Variants in ANTXRL observed in about 807,000 individuals in gnomAD.
The protein encoded by ANTXRL is anthrax toxin receptor-like.
In ANTXRL, 63 loss-of-function variants were observed where a neutral mutation model predicts 75.4. That is an observed-to-expected ratio of 0.84 (90% confidence interval 0.68 to 1.03). The LOEUF (loss-of-function observed/expected upper bound fraction) is 1.03. Among genes scored for constraint, ANTXRL ranks in the 50% least tolerant of loss-of-function variants. The pLI is 0.00. For synonymous variants in ANTXRL, 335 were observed against 291.3 expected (o/e 1.15, Z -1.53); for missense variants, 797 against 789.4 (o/e 1.01, Z -0.12).
intron 9 of ANTXRL, among the ~76,000 whole-genome samples, chr10:46,301,764 G>A (rs10906943): frequency 0.39 from 59,208 of 151,970 alleles, 11,290 homozygotes; most frequent in African/African-American, 0.52. Context: ...CGCCTTGAAG[G>A]TGTGACACTG....
intron 3 of ANTXRL, among the ~76,000 whole-genome samples, chr10:46,294,425 G>A (rs1322120604): frequency 1.3e-5 from 2 of 152,164 alleles, no homozygotes; most frequent in Non-Finnish European, 2.9e-5. Context: ...GAAAGTGGAG[G>A]GAGGCAGGAG....
At chr10:46,309,899 G>A (rs1419934600) in intron 13 of ANTXRL, among the ~76,000 whole-genome samples, 1 of 152,152 alleles carries the variant, frequency 6.6e-6, no homozygotes, top group East Asian at 1.9e-4. Flanking sequence ...TGGAGCCCGG[G>A]GCAGGGAAGA....
At position 46,307,395 on chromosome 10, in the gene ANTXRL, G is replaced by A. The variant is rs1554962173; in HGVS notation, c.966-7G>A. 1.3e-6 allele frequency: 2 copies of A among 1,533,984 alleles called. No individual in the cohort carries two copies. Among genetic ancestry groups the A allele is most frequent in the African/African-American group, 2.7e-5 (2 of 73,068 alleles). On this transcript the variant is annotated splice_region_variant and splice_polypyrimidine_tract_variant and intron_variant, in intron 11 of 16. Transcript: ENST00000620264. ...GGCTCTCACCATCTGCATTTTCTATGCTTTAGGGAGTACTCTATTGAAGTC... is the reference window on the plus strand; with the variant it reads ...GGCTCTCACCATCTGCATTTTCTATACTTTAGGGAGTACTCTATTGAAGTC...
At chr10:46,313,916 A>G (rs1413208628) in intron 16 of ANTXRL, among the ~76,000 whole-genome samples, 1 of 152,076 alleles carries the variant, frequency 6.6e-6, no homozygotes, top group Non-Finnish European at 1.5e-5. Flanking sequence ...TCCTGCCCTT[A>G]CTCTGCACTG....
chr10:46,297,730 C>T (rs1837468629), intron 7 of ANTXRL, 101 bp from the exon 8 acceptor site: 2 of 1,080,792 alleles, frequency 1.9e-6, no homozygotes, highest in Non-Finnish European at 2.7e-6. Context: ...TGACATTCTG[C>T]TGCCCCCAAA....
intron 16 of ANTXRL, among the ~76,000 whole-genome samples, chr10:46,321,829 G>A (rs1314865257): frequency 1.3e-5 from 2 of 152,058 alleles, no homozygotes; most frequent in Admixed American, 6.6e-5. Context: ...CAGTAGGAGC[G>A]TATCTGATTA....
intron 3 of ANTXRL, among the ~76,000 whole-genome samples, chr10:46,294,931 C>T (rs1287311740): frequency 1.3e-5 from 2 of 152,144 alleles, no homozygotes; most frequent in African/African-American, 4.8e-5. Flanking sequence ...CCTTGCTGTG[C>T]AGGCTCAGCC....
Position 46,329,714 on chromosome 10 carries a change from G to A in ANTXRL, c.1526G>A (p.Ser509Asn). The A allele has an allele frequency of 6.5e-7, 1 of 1,535,064 alleles. No homozygotes were observed. Among genetic ancestry groups the A allele is most frequent in the Non-Finnish European group, 8.7e-7 (1 of 1,146,700 alleles). Residue 509 changes from serine (S) to asparagine (N), a missense_variant, in exon 17 of 17, where the codon AGC becomes AAC. Physicochemically the swap from Ser to Asn is conservative, Grantham distance 46. Around this residue, in one of 3 missense-constraint regions of ANTXRL, gnomAD observed 479 missense variants for 422.0 expected, o/e 1.14. Transcript: ENST00000620264. ...CTTTCCCTACCACAGGCTCCCTGCA[G>A]CCCAAGGATGTGCCTGAGACACAGC... is the stretch of plus-strand genomic sequence containing the variant. ...ECLSLPQAPC[S>N]PRMCLRHSRE...
intron 15 of ANTXRL, 113 bp downstream of exon 15, chr10:46,311,778 G>C: frequency 1.7e-6 from 1 of 577,978 alleles, no homozygotes; most frequent in East Asian, 3.0e-5. Flanking sequence ...AGGCTCTACA[G>C]GGGCTGGACT....
At chr10:46,299,225 A>G (rs1323652601) in intron 9 of ANTXRL, among the ~76,000 whole-genome samples, 1 of 152,084 alleles carries the variant, frequency 6.6e-6, no homozygotes, top group Non-Finnish European at 1.5e-5. Context: ...AACAAGAAGT[A>G]GGGGTGTCAA....
Position 46,302,798 on chromosome 10 carries a change from C to T in ANTXRL, c.873C>T (p.Ile291=), listed in dbSNP as rs527477647. The T allele has an allele frequency of 6.5e-7, 1 of 1,535,756 alleles. No individual in the cohort carries two copies. Among genetic ancestry groups the T allele is most frequent in the Admixed American group, 2.0e-5 (1 of 50,982 alleles). Residue 291 remains isoleucine (I), a synonymous_variant, in exon 10 of 17, where the codon ATC becomes ATT. Transcript: ENST00000620264. ...GGGATGAAGTTATTTGCAGATTTAT[C>T]TTCAATGAAAGCACTATCATTGGTA... ...KKRDEVICRF[I]FNESTIIDEK...
At chr10:46,306,752 A>C in intron 10 of ANTXRL, 51 bp from the exon 11 acceptor site, 1 of 1,423,014 alleles carries the variant, frequency 7.0e-7, no homozygotes, top group Non-Finnish European at 9.4e-7. Context: ...ATGGGGAGGA[A>C]CAGTGGACAG....
intron 11 of ANTXRL, among the ~76,000 whole-genome samples, chr10:46,307,199 T>A (rs1452189990): frequency 6.6e-6 from 1 of 152,034 alleles, no homozygotes; most frequent in Non-Finnish European, 1.5e-5. Flanking sequence ...CAAGCAGCAG[T>A]CCCTGGTCAT....
chr10:46,286,874 G>A (rs1836787049), upstream of ANTXRL: 4 of 270,660 alleles, frequency 1.5e-5, no homozygotes, highest in South Asian at 2.1e-4. Context: ...TGTTATAAGG[G>A]AAATGGAGGC....
chr10:46,326,322 G>A (rs1554966487), intron 16 of ANTXRL, among the ~76,000 whole-genome samples: 2 of 152,076 alleles, frequency 1.3e-5, no homozygotes, highest in Admixed American at 1.3e-4. Flanking sequence ...GCAGGCCCCT[G>A]AGCCCCACAG....
chr10:46,318,131 C>T (rs73292918), intron 16 of ANTXRL, among the ~76,000 whole-genome samples: 6,994 of 152,118 alleles, frequency 0.046, 552 homozygotes, highest in African/African-American at 0.16. Flanking sequence ...TGTTAGTGCC[C>T]GGGGTCCTGC....
intron 1 of ANTXRL, among the ~76,000 whole-genome samples, chr10:46,291,245 T>C (rs1554956397): frequency 1.3e-5 from 2 of 152,176 alleles, no homozygotes. Flanking sequence ...ACCACAGACA[T>C]GACAGGTTAT....
chr10:46,297,095 T>C (rs7916843), intron 5 of ANTXRL, among the ~76,000 whole-genome samples, 157 bp from the exon 6 acceptor site: 61,741 of 151,862 alleles, frequency 0.41, 12,267 homozygotes, highest in Non-Finnish European at 0.48. Context: ...GGTGCTTGGG[T>C]CTTGGCAGCC....
chr10:46,321,232 A>AT (rs1168974647), intron 16 of ANTXRL, among the ~76,000 whole-genome samples: 1 of 152,176 alleles, frequency 6.6e-6, no homozygotes, highest in East Asian at 1.9e-4. Context: ...CCATCCACTG[A>AT]TTATGGTCCC....
Sources: allele counts gnomAD v4.1 joint callset (sites outside exome capture counted in the v4.1 genomes callset), GRCh38; gene constraint gnomAD v4.1.1; regional missense constraint gnomAD v4.1.1; transcripts MANE v1.5; gene names NCBI Gene and HGNC (gene_info 2026-07-23, HGNC 2026-07-21).